SLC22A25: variants seen among roughly 807,000 people sequenced by gnomAD.
SLC22A25 encodes solute carrier family 22 member 25.
SLC22A25 carries 44 observed loss-of-function variants against 45.9 expected under a neutral mutation model. That is an observed-to-expected ratio of 0.96 (90% CI 0.75 to 1.23). The LOEUF is 1.23. Among genes scored for constraint, SLC22A25 ranks in the 50% most tolerant of loss-of-function variants. SLC22A25 has a pLI of 0.00. For missense variants in SLC22A25, 800 were observed against 666.4 expected (o/e 1.20, Z -2.21); for synonymous variants, 283 against 238.6 (o/e 1.19, Z -1.72).
rs111934161 is a variant in SLC22A25, at chr11:63,207,322, G to A, written c.830+9992C>T. Among the ~76,000 whole-genome samples the A allele has an allele frequency of 5.3e-5, 8 of 152,310 alleles. 2 individuals carry two copies. Among genetic ancestry groups the A allele is most frequent in the African/African-American group, 1.9e-4 (8 of 41,570 alleles). On this transcript the variant is annotated intron_variant, in intron 7 of 11. Coordinates refer to ENST00000306494, the MANE Select transcript of SLC22A25 (RefSeq NM_199352.6). ...CACAGCATTGGTAACTATCATCAGA[G>A]TGAACAGGCAACCTTCAGAAGGGGA...
chr11:63,211,212 C>T (rs1300795), intron 7 of SLC22A25, among the ~76,000 whole-genome samples: 74,142 of 151,886 alleles, frequency 0.49, 19,044 homozygotes, highest in Non-Finnish European at 0.57. Flanking sequence ...TACCCACTAC[C>T]TAGAGAGGAA....
At chr11:63,199,743 T>C (rs1341534677) in intron 7 of SLC22A25, among the ~76,000 whole-genome samples, 1 of 151,726 alleles carries the variant, frequency 6.6e-6, no homozygotes, top group South Asian at 2.1e-4. Flanking sequence ...GCAAAAAAAA[T>C]GCAGCAAGAC....
intron 7 of SLC22A25, among the ~76,000 whole-genome samples, chr11:63,202,893 C>T (rs796880622): frequency 1.2e-4 from 18 of 152,314 alleles, no homozygotes; most frequent in African/African-American, 4.1e-4. Flanking sequence ...TGACAGACAC[C>T]TCATACAGGA....
At chr11:63,226,280 C>G (rs764423678) in intron 5 of SLC22A25, among the ~76,000 whole-genome samples, 1 of 152,088 alleles carries the variant, frequency 6.6e-6, no homozygotes, top group African/African-American at 2.4e-5. Context: ...CATACTCGTC[C>G]TTCTTGGGTA....
chr11:63,229,430 T>C lies in SLC22A25; in HGVS notation c.223A>G (p.Ile75Val), dbSNP rs2090027602. 1 of 1,614,080 alleles carries C rather than the reference T, an allele frequency of 6.2e-7. No individual in the cohort carries two copies. The highest frequency in any genetic ancestry group is 8.5e-7 in the Non-Finnish European group (1 of 1,179,946). ...GTLSQDALLR[I>V]SIPFDSNLRP... Reference sequence around the variant, plus strand: ...AGATTTGAGTCGAATGGGATGGAGATTCTCAGGAGGGCATCCTGGCTGAGG... The same window carrying C: ...AGATTTGAGTCGAATGGGATGGAGACTCTCAGGAGGGCATCCTGGCTGAGG... The change falls in exon 4 of 12, where the codon ATC becomes GTC. Residue 75 changes from isoleucine (I) to valine (V), a missense_variant. Transcript: ENST00000306494.
intron 5 of SLC22A25, among the ~76,000 whole-genome samples, chr11:63,218,427 A>G (rs2089774901): frequency 6.6e-6 from 1 of 152,192 alleles, no homozygotes; most frequent in South Asian, 2.1e-4. Flanking sequence ...TGATGGGTTC[A>G]TTCATACCCC....
rs1590831589 is a variant in SLC22A25, at chr11:63,191,897, A to G, written c.831-8080T>C. Reference sequence around the variant, plus strand: ...AGAATGGAACCAACTTGGAGATCACATTTCAGGATATCTTCCATAAGAAGT... The same window carrying G: ...AGAATGGAACCAACTTGGAGATCACGTTTCAGGATATCTTCCATAAGAAGT... On this transcript the variant is annotated intron_variant, in intron 7 of 11. Coordinates refer to ENST00000306494, the MANE Select transcript of SLC22A25 (RefSeq NM_199352.6). Among the ~76,000 whole-genome samples the G allele has an allele frequency of 2.0e-5, 3 of 152,202 alleles. No individual in the cohort carries two copies. The East Asian group carries it at 5.8e-4, about 29-fold the overall frequency.
Position 63,233,399 on chromosome 11 carries a change from C to T in SLC22A25, c.-444-3303G>A, listed in dbSNP as rs572922414. On this transcript the variant is annotated intron_variant, in intron 3 of 11. Transcript: ENST00000306494. ...GTGTCAAGGAATTTATCCATGTCTT[C>T]TAGATTTTCTAGTTTATTTGCGTAG... Among the ~76,000 whole-genome samples, 5 of 152,238 alleles carry T rather than the reference C, an allele frequency of 3.3e-5. No homozygotes were observed. The East Asian group carries it at 9.6e-4, about 29-fold the overall frequency.
chr11:63,210,661 C>T (rs2089533205), intron 7 of SLC22A25, among the ~76,000 whole-genome samples: 2 of 152,050 alleles, frequency 1.3e-5, no homozygotes, highest in African/African-American at 4.8e-5. Context: ...CATGGGGAGC[C>T]TATGGTGTCT....
At chr11:63,231,301 C>T (rs181822390) in intron 3 of SLC22A25, among the ~76,000 whole-genome samples, 1 of 152,318 alleles carries the variant, frequency 6.6e-6, no homozygotes, top group East Asian at 1.9e-4. Context: ...TCCACATCCT[C>T]TCCAGCACCT....
intron 9 of SLC22A25, among the ~76,000 whole-genome samples, chr11:63,175,507 C>G (rs1320873546): frequency 6.6e-6 from 1 of 152,046 alleles, no homozygotes; most frequent in Non-Finnish European, 1.5e-5. Flanking sequence ...TGGATATTAA[C>G]TCATATCAGA....
intron 9 of SLC22A25, among the ~76,000 whole-genome samples, chr11:63,177,840 T>TATATATATAATGTATATATA (rs1565070607): frequency 1.6e-5 from 1 of 61,410 alleles, no homozygotes; most frequent in Non-Finnish European, 3.4e-5. Flanking sequence ...ATATAATGTG[T>TATATATATAATGTATATATA]ATATATATAT....
intron 7 of SLC22A25, among the ~76,000 whole-genome samples, chr11:63,197,787 A>G (rs535723951): frequency 6.6e-6 from 1 of 152,320 alleles, no homozygotes; most frequent in South Asian, 2.1e-4. Flanking sequence ...GTGATCAGGC[A>G]ACCTACAGAA....
chr11:63,234,519 G>A (rs1386630291), intron 3 of SLC22A25, among the ~76,000 whole-genome samples: 2 of 151,986 alleles, frequency 1.3e-5, no homozygotes, highest in Non-Finnish European at 2.9e-5. Context: ...TTTATTTTGA[G>A]CCTATGTGTG....
chr11:63,159,226 C>G lies in SLC22A25; in HGVS notation c.*4598G>C, dbSNP rs1016620078. On this transcript the variant is annotated 3_prime_UTR_variant, in exon 12 of 12. Coordinates refer to ENST00000306494, the MANE Select transcript of SLC22A25 (RefSeq NM_199352.6). ...CAGTTCTGCAACAAATGTGGGAGTG[C>G]AGATACGTCTTTGATATACTTATTT... 2.6e-5 allele frequency among the ~76,000 whole-genome samples: 4 copies of G among 152,164 alleles called. No individual in the cohort carries two copies. Among genetic ancestry groups the G allele is most frequent in the Non-Finnish European group, 5.9e-5 (4 of 68,036 alleles).
At chr11:63,190,200 GTC>G (rs1565085762) in intron 7 of SLC22A25, among the ~76,000 whole-genome samples, 2 of 152,094 alleles carry the variant, frequency 1.3e-5, no homozygotes, top group African/African-American at 4.8e-5. Flanking sequence ...TGTAGATTTG[GTC>G]TTTTCAGATA....
At chr11:63,206,827 A>G (rs560754270) in intron 7 of SLC22A25, among the ~76,000 whole-genome samples, 9 of 152,352 alleles carry the variant, frequency 5.9e-5, no homozygotes, top group African/African-American at 1.9e-4. Context: ...AGCCAAGGCA[A>G]TGTTAAGCAA....
At chr11:63,188,267 G>A (rs2088644938) in intron 7 of SLC22A25, among the ~76,000 whole-genome samples, 1 of 152,198 alleles carries the variant, frequency 6.6e-6, no homozygotes, top group African/African-American at 2.4e-5. Context: ...TCCTGGTTTA[G>A]TCTTGGGAGG....
At chr11:63,193,418 C>T (rs372248035) in intron 7 of SLC22A25, among the ~76,000 whole-genome samples, 3 of 152,184 alleles carry the variant, frequency 2.0e-5, no homozygotes, top group Non-Finnish European at 4.4e-5. Flanking sequence ...CAACTGGGTG[C>T]CCCCCTGAGA....
Sources: allele counts gnomAD v4.1 joint callset (sites outside exome capture counted in the v4.1 genomes callset), GRCh38; gene constraint gnomAD v4.1.1; transcripts MANE v1.5; gene names NCBI Gene and HGNC (gene_info 2026-07-23, HGNC 2026-07-21).